The following RBPMS variants were observed in gnomAD, a reference collection of about 807,000 sequenced individuals.
RBPMS encodes the protein RNA binding protein, mRNA processing factor, also known as RNA-binding protein with multiple splicing.
Under a neutral mutation model 26.8 loss-of-function variants are expected in RBPMS, and 7 were observed. That is an observed-to-expected ratio of 0.26 (90% CI 0.15 to 0.49). The LOEUF is 0.49. Among genes scored for constraint, RBPMS ranks in the 20% least tolerant of loss-of-function variants. The pLI is 0.98. For missense variants in RBPMS, 186 were observed against 250.0 expected (o/e 0.74, Z 1.73); for synonymous variants, 96 against 93.3 (o/e 1.03, Z -0.17).
At chr8:30,453,075 A>T (rs1271315491) in intron 1 of RBPMS, among the ~76,000 whole-genome samples, 3 of 152,150 alleles carry the variant, frequency 2.0e-5, no homozygotes, top group Non-Finnish European at 4.4e-5. Flanking sequence ...TGTGTGTTCT[A>T]TGGGCTGCCT....
At chr8:30,525,265 T>C (rs1200863302) in intron 5 of RBPMS, among the ~76,000 whole-genome samples, 1 of 152,206 alleles carries the variant, frequency 6.6e-6, no homozygotes, top group Admixed American at 6.5e-5. Flanking sequence ...GACACAGATA[T>C]CAACAAATGC....
intron 1 of RBPMS, among the ~76,000 whole-genome samples, chr8:30,467,706 C>A (rs1476560859): frequency 6.6e-6 from 1 of 152,154 alleles, no homozygotes; most frequent in Non-Finnish European, 1.5e-5. Flanking sequence ...AAGCAAGTTA[C>A]ATGAATATAT....
intron 5 of RBPMS, among the ~76,000 whole-genome samples, chr8:30,516,057 T>G (rs1822272010): frequency 6.6e-6 from 1 of 152,184 alleles, no homozygotes; most frequent in South Asian, 2.1e-4. Flanking sequence ...AACCAAAGTT[T>G]AAAAACTTCT....
At chr8:30,477,865 A>C (rs1817863373) in intron 3 of RBPMS, 28 bp downstream of exon 3, 1 of 1,514,800 alleles carries the variant, frequency 6.6e-7, no homozygotes, top group Non-Finnish European at 9.2e-7. Context: ...GCATATAAAG[A>C]TCACTTTTTT....
chr8:30,562,327 GA>G (rs753001749), intron 7 of RBPMS, among the ~76,000 whole-genome samples: 4,199 of 103,326 alleles, frequency 0.041, 182 homozygotes, highest in African/African-American at 0.14. Flanking sequence ...CAAGACTGTC[GA>G]AAAAAAAAAA....
At chr8:30,436,519 C>G (rs1178285696) in intron 1 of RBPMS, among the ~76,000 whole-genome samples, 2 of 152,162 alleles carry the variant, frequency 1.3e-5, no homozygotes, top group Admixed American at 1.3e-4. Context: ...TTGCTTTTCT[C>G]CAAATCTCCA....
chr8:30,385,611 G>A (rs1351248744), intron 1 of RBPMS, among the ~76,000 whole-genome samples: 2 of 152,024 alleles, frequency 1.3e-5, no homozygotes, highest in African/African-American at 2.4e-5. Flanking sequence ...CTCCCTTTCC[G>A]TGTTAAAAGT....
chr8:30,393,390 C>T lies in RBPMS; in HGVS notation c.66+8232C>T, dbSNP rs544711351. On this transcript the variant is annotated intron_variant, in intron 1 of 8. Transcript: ENST00000397323. Reference sequence around the variant, plus strand: ...CAAGCTACCATAAAATCTGGAGAGGCGTGAGTTTTTTTACAGGAAAAAATT... The same window carrying T: ...CAAGCTACCATAAAATCTGGAGAGGTGTGAGTTTTTTTACAGGAAAAAATT... Among the ~76,000 whole-genome samples, 12 of 135,782 alleles carry T rather than the reference C, an allele frequency of 8.8e-5. No homozygotes were observed. In the South Asian group the frequency reaches 2.8e-3, roughly 32 times the overall value. 89.1% of individuals were successfully genotyped at this position (135,782 alleles called of 152,430 possible).
At chr8:30,566,870 C>A (rs1232771073) in intron 8 of RBPMS, among the ~76,000 whole-genome samples, 1 of 152,062 alleles carries the variant, frequency 6.6e-6, no homozygotes, top group African/African-American at 2.4e-5. Flanking sequence ...TCAGAATTCA[C>A]AATTAATTTC....
intron 4 of RBPMS, among the ~76,000 whole-genome samples, chr8:30,480,004 T>C (rs954338381): frequency 1.3e-5 from 2 of 152,214 alleles, no homozygotes; most frequent in Non-Finnish European, 2.9e-5. Context: ...TTTTGGTGAA[T>C]ATTTTTCCTC....
chr8:30,565,442 A>G (rs1827825030), intron 7 of RBPMS: 1 of 152,170 alleles, frequency 6.6e-6, no homozygotes, highest in Non-Finnish European at 1.5e-5. Flanking sequence ...GCCTGTCTGC[A>G]GGGAGGGAGA....
chr8:30,568,976 TC>T (rs1407047348), intron 8 of RBPMS, among the ~76,000 whole-genome samples: 1 of 149,786 alleles, frequency 6.7e-6, no homozygotes, highest in Non-Finnish European at 1.5e-5. Flanking sequence ...ATGTTCCTTC[TC>T]CCTTCAGATT....
chr8:30,417,853 T>C (rs958718225), intron 1 of RBPMS, among the ~76,000 whole-genome samples: 1 of 152,238 alleles, frequency 6.6e-6, no homozygotes, highest in Non-Finnish European at 1.5e-5. Context: ...TGTAACATTT[T>C]AACTTTTTAG....
chr8:30,527,452 C>A (rs996503091), intron 5 of RBPMS, among the ~76,000 whole-genome samples: 1 of 152,204 alleles, frequency 6.6e-6, no homozygotes, highest in Non-Finnish European at 1.5e-5. Flanking sequence ...TTCATAAATT[C>A]TCTTTGAAGA....
At chr8:30,413,137 G>A (rs1254890804) in intron 1 of RBPMS, among the ~76,000 whole-genome samples, 1 of 152,194 alleles carries the variant, frequency 6.6e-6, no homozygotes, top group Admixed American at 6.5e-5. Context: ...GGAGTGCAGT[G>A]GCACCATCTT....
At chr8:30,537,732 G>A in intron 5 of RBPMS, 1 of 438,900 alleles carries the variant, frequency 2.3e-6, no homozygotes, top group South Asian at 1.6e-5. Flanking sequence ...AGGTAAAAGG[G>A]GCTCCTGCTA....
rs373037353 is a variant in RBPMS at position 30,479,979 on chromosome 8, CTTTTACCAGTATTGTT to C, written c.246+605_246+620del. ...ATGTTGTTTGCCATGTGTTTTGAGA[CTTTTACCAGTATTGTT>C]TTGGTGAATATTTTTCCTCCTTAGT... On this transcript the variant is annotated intron_variant, in intron 4 of 8. Transcript: ENST00000397323. 1.4e-3 allele frequency among the ~76,000 whole-genome samples: 208 copies of C among 152,216 alleles called. 2 individuals carry two copies. The highest frequency in any genetic ancestry group is 4.8e-3 in the African/African-American group (200 of 41,528).
At position 30,559,093 on chromosome 8, in the gene RBPMS, TCAC is replaced by T; in HGVS notation, c.*7+138_*7+140del. On this transcript the variant is annotated intron_variant, in intron 7 of 8. Transcript: ENST00000397323. The stretch of plus-strand genomic sequence containing the variant: ...CCTCCTTTGTCCATCTTTGTTAAAC[TCAC>T]TTGAACTACATAGCAGTGCATCTTT... 5.6e-6 allele frequency: 4 copies of T among 716,056 alleles called. 1 individual carries two copies. The African/African-American group carries it at 7.0e-5, about 12-fold the overall frequency. 44.4% of individuals were successfully genotyped at this position (716,056 alleles called of 1,614,324 possible).
intron 1 of RBPMS, among the ~76,000 whole-genome samples, chr8:30,451,519 T>C (rs1186294843): frequency 6.6e-6 from 1 of 152,164 alleles, no homozygotes; most frequent in African/African-American, 2.4e-5. Context: ...AGATATGGAT[T>C]ATTATCTCCA....
Sources: allele counts gnomAD v4.1 joint callset (sites outside exome capture counted in the v4.1 genomes callset), GRCh38; gene constraint gnomAD v4.1.1; transcripts MANE v1.5; gene names NCBI Gene and HGNC (gene_info 2026-07-23, HGNC 2026-07-21).